SLIT2: variants seen among roughly 807,000 people sequenced by gnomAD.
The protein encoded by SLIT2 is slit homolog 2 protein.
A neutral mutation model predicts 185.7 loss-of-function variants in SLIT2; 41 were observed. The ratio of observed to expected loss-of-function variants is 0.22; its 90% CI spans 0.17 to 0.29. SLIT2 has a LOEUF of 0.29. SLIT2 is among the 10% of genes least tolerant of loss of function. The pLI is 1.00. For synonymous variants in SLIT2, 693 were observed against 680.2 expected, an observed-to-expected ratio of 1.02 and a Z score of -0.29; for missense variants, 1,571 against 1,909.0, an observed-to-expected ratio of 0.82 and a Z score of 3.30.
intron 22 of SLIT2, 130 bp from the exon 23 acceptor site, chr4:20,548,358 A>C: frequency 1.7e-6 from 1 of 602,448 alleles, no homozygotes; most frequent in South Asian, 2.0e-5. Context: ...TCACTGTTTT[A>C]TTGTTTTCAG....
intron 4 of SLIT2, among the ~76,000 whole-genome samples, chr4:20,378,243 T>G (rs1724197870): frequency 6.6e-6 from 1 of 152,170 alleles, no homozygotes; most frequent in Non-Finnish European, 1.5e-5. Context: ...AACATACATT[T>G]GCAAGTTTCA....
intron 3 of SLIT2, among the ~76,000 whole-genome samples, chr4:20,262,438 T>C (rs1428191154): frequency 6.6e-6 from 1 of 151,848 alleles, no homozygotes; most frequent in Non-Finnish European, 1.5e-5. Context: ...ATATTCTCTG[T>C]TTATCAAGGA....
chr4:20,296,401 T>C (rs1359612071), intron 4 of SLIT2, among the ~76,000 whole-genome samples: 1 of 152,190 alleles, frequency 6.6e-6, no homozygotes, highest in African/African-American at 2.4e-5. Flanking sequence ...CTGTTGGTGA[T>C]TTAATTTAGT....
At chr4:20,547,377 T>C (rs541594994) in intron 22 of SLIT2, among the ~76,000 whole-genome samples, 3 of 152,174 alleles carry the variant, frequency 2.0e-5, no homozygotes, top group African/African-American at 7.2e-5. Context: ...TGAGGATTTG[T>C]GGATCCAAAA....
rs1047442640 is a variant in SLIT2 at position 20,600,383 on chromosome 4, G to T, written c.3692+1988G>T. ...CCTAACAAAGGATGGAGTGTATCTT[G>T]TGACATTTATAAAGGGACTATTATG... is the stretch of plus-strand genomic sequence containing the variant. On this transcript the variant is annotated intron_variant, in intron 33 of 36. Transcript: ENST00000504154. 2.7e-3 allele frequency among the ~76,000 whole-genome samples: 371 copies of T among 135,882 alleles called. 3 individuals are homozygous for T. The highest frequency in any genetic ancestry group is 1.0e-2 in the African/African-American group (361 of 36,112). 89.1% of individuals were successfully genotyped at this position (135,882 alleles called of 152,430 possible).
At chr4:20,537,286 G>C (rs529635125) in intron 18 of SLIT2, among the ~76,000 whole-genome samples, 38 of 152,214 alleles carry the variant, frequency 2.5e-4, no homozygotes, top group African/African-American at 7.7e-4. Context: ...AGTGTGTTGG[G>C]CTATGGCATT....
chr4:20,480,522 G>A (rs1025379847), intron 5 of SLIT2, among the ~76,000 whole-genome samples, 194 bp from the exon 6 acceptor site: 1 of 152,112 alleles, frequency 6.6e-6, no homozygotes, highest in Non-Finnish European at 1.5e-5. Flanking sequence ...TGCACAGACA[G>A]TTCAGAACAA....
intron 4 of SLIT2, among the ~76,000 whole-genome samples, chr4:20,312,313 C>T (rs1407165795): frequency 6.6e-6 from 1 of 152,042 alleles, no homozygotes; most frequent in African/African-American, 2.4e-5. Flanking sequence ...CAAAAACTAC[C>T]ATAAATACAT....
intron 12 of SLIT2, among the ~76,000 whole-genome samples, chr4:20,523,535 A>C (rs1409894827): frequency 6.6e-6 from 1 of 152,214 alleles, no homozygotes; most frequent in Non-Finnish European, 1.5e-5. Context: ...TATTGAATAC[A>C]TGTATAAATA....
intron 34 of SLIT2, among the ~76,000 whole-genome samples, chr4:20,613,959 C>T (rs191008827): frequency 1.2e-4 from 18 of 152,296 alleles, no homozygotes; most frequent in Non-Finnish European, 2.4e-4. Context: ...GCAACCTCCA[C>T]CTCCCGAGTT....
chr4:20,293,821 G>A (rs1490390730), intron 4 of SLIT2, among the ~76,000 whole-genome samples: 1 of 152,172 alleles, frequency 6.6e-6, no homozygotes, highest in Non-Finnish European at 1.5e-5. Context: ...CCCGTGGAGA[G>A]AGAGCCTTCA....
chr4:20,540,022 G>C (rs946092707), intron 19 of SLIT2, among the ~76,000 whole-genome samples: 4 of 150,036 alleles, frequency 2.7e-5, no homozygotes, highest in Non-Finnish European at 4.4e-5. Flanking sequence ...GCTCACGTCT[G>C]TAATTCCAGC....
intron 4 of SLIT2, among the ~76,000 whole-genome samples, chr4:20,280,093 G>A (rs1015603690): frequency 2.0e-5 from 3 of 152,082 alleles, no homozygotes; most frequent in Non-Finnish European, 2.9e-5. Context: ...CAGCACTTTG[G>A]GAGGCGGAGG....
At chr4:20,570,756 T>TATATATAC (rs1560204581) in intron 29 of SLIT2, among the ~76,000 whole-genome samples, 5 of 139,842 alleles carry the variant, frequency 3.6e-5, no homozygotes, top group African/African-American at 1.1e-4. Flanking sequence ...TATATATATA[T>TATATATAC]ATATATTTCC....
At chr4:20,438,878 G>A (rs1203662346) in intron 4 of SLIT2, among the ~76,000 whole-genome samples, 11 of 152,162 alleles carry the variant, frequency 7.2e-5, no homozygotes, top group Admixed American at 7.2e-4. Context: ...CATCACTGCT[G>A]ACAAGTCTAT....
intron 4 of SLIT2, among the ~76,000 whole-genome samples, chr4:20,324,190 G>A (rs1719344743): frequency 3.3e-5 from 5 of 152,160 alleles, no homozygotes; most frequent in Admixed American, 3.3e-4. Flanking sequence ...TGAGATCCTT[G>A]CGATAGAGTC....
At chr4:20,271,783 G>T (rs1180407583) in intron 4 of SLIT2, among the ~76,000 whole-genome samples, 1 of 151,982 alleles carries the variant, frequency 6.6e-6, no homozygotes, top group African/African-American at 2.4e-5. Flanking sequence ...AAGCTAGTTG[G>T]ATATACTGGA....
chr4:20,382,357 TTAAA>T (rs1724595260), intron 4 of SLIT2, among the ~76,000 whole-genome samples: 1 of 152,158 alleles, frequency 6.6e-6, no homozygotes, highest in Admixed American at 6.6e-5. Context: ...TAGTAAGTTT[TTAAA>T]TAACTAATAC....
intron 28 of SLIT2, among the ~76,000 whole-genome samples, chr4:20,568,176 A>G (rs1725261135): frequency 6.6e-6 from 1 of 152,108 alleles, no homozygotes; most frequent in Non-Finnish European, 1.5e-5. Context: ...GACACTAATA[A>G]TGTCACATAA....
Sources: allele counts gnomAD v4.1 joint callset (sites outside exome capture counted in the v4.1 genomes callset), GRCh38; gene constraint gnomAD v4.1.1; transcripts MANE v1.5; gene names NCBI Gene and HGNC (gene_info 2026-07-23, HGNC 2026-07-21).